The following FSTL4 variants were observed in gnomAD, a reference collection of about 807,000 sequenced individuals.
FSTL4 encodes follistatin-related protein 4.
Under a neutral mutation model 78.2 loss-of-function variants are expected in FSTL4, and 28 were observed. That is an observed-to-expected ratio of 0.36 (90% CI 0.27 to 0.49). FSTL4 has a LOEUF of 0.49. FSTL4 is among the 20% of genes least tolerant of loss of function. FSTL4 has a pLI of 0.98. For synonymous variants in FSTL4, 422 were observed against 440.5 expected (o/e 0.96, Z 0.53); for missense variants, 922 against 1,084.9 (o/e 0.85, Z 2.11).
At chr5:133,378,232 G>C (rs993268578) in intron 4 of FSTL4, among the ~76,000 whole-genome samples, 1 of 152,124 alleles carries the variant, frequency 6.6e-6, no homozygotes, top group African/African-American at 2.4e-5. Context: ...TGTAATTATA[G>C]CAGACAGTAT....
the FSTL4 span, among the ~76,000 whole-genome samples, chr5:133,671,364 C>T: frequency 6.6e-6 from 1 of 152,196 alleles, no homozygotes; most frequent in South Asian, 2.1e-4. Flanking sequence ...TACACATGCA[C>T]CATCTCTTTT....
chr5:133,319,760 G>C (rs748793171), intron 4 of FSTL4, among the ~76,000 whole-genome samples: 5 of 152,208 alleles, frequency 3.3e-5, no homozygotes, highest in Non-Finnish European at 5.9e-5. Context: ...TGCCACTGGG[G>C]TCCTGAGATG....
the FSTL4 span, among the ~76,000 whole-genome samples, chr5:133,829,715 G>T: frequency 6.6e-6 from 1 of 152,214 alleles, no homozygotes; most frequent in Non-Finnish European, 1.5e-5. Flanking sequence ...AGAGATAGAA[G>T]AACCTCATGC....
At chr5:133,565,650 C>T (rs1760009512) in intron 3 of FSTL4, among the ~76,000 whole-genome samples, 1 of 152,226 alleles carries the variant, frequency 6.6e-6, no homozygotes, top group South Asian at 2.1e-4. Context: ...TACACCTTCA[C>T]TCCTCCTCTG....
chr5:133,802,054 C>T, the FSTL4 span, among the ~76,000 whole-genome samples: 4 of 152,138 alleles, frequency 2.6e-5, no homozygotes, highest in Non-Finnish European at 5.9e-5. Flanking sequence ...ATCTGAACAC[C>T]TGTGCCTCTC....
chr5:133,423,660 G>A (rs570159305), intron 3 of FSTL4, among the ~76,000 whole-genome samples: 42 of 152,320 alleles, frequency 2.8e-4, no homozygotes, highest in African/African-American at 9.4e-4. Context: ...TAGTGGTGAC[G>A]GCAGGGATGG....
chr5:133,659,279 A>T, the FSTL4 span, among the ~76,000 whole-genome samples: 1 of 152,130 alleles, frequency 6.6e-6, no homozygotes, highest in Non-Finnish European at 1.5e-5. Flanking sequence ...ATGACACATT[A>T]TCAGAGGTGT....
intron 4 of FSTL4, among the ~76,000 whole-genome samples, chr5:133,323,568 AG>A (rs1754125629): frequency 6.6e-6 from 1 of 152,166 alleles, no homozygotes; most frequent in Admixed American, 6.5e-5. Context: ...TTGGGGAGAG[AG>A]GCTGCATGTC....
chr5:133,494,836 A>T (rs1758338781), intron 3 of FSTL4, among the ~76,000 whole-genome samples: 1 of 152,240 alleles, frequency 6.6e-6, no homozygotes, highest in Non-Finnish European at 1.5e-5. Context: ...CCTCTGGCAC[A>T]CAGAGGGGCA....
the FSTL4 span, among the ~76,000 whole-genome samples, chr5:133,692,702 G>A: frequency 6.6e-6 from 1 of 152,174 alleles, no homozygotes; most frequent in Non-Finnish European, 1.5e-5. Context: ...GGAAGAAGTG[G>A]TGTCTTCCAA....
intron 8 of FSTL4, among the ~76,000 whole-genome samples, chr5:133,229,313 G>C (rs1751422206): frequency 6.6e-6 from 1 of 152,200 alleles, no homozygotes; most frequent in Admixed American, 6.5e-5. Flanking sequence ...CTCGAGTCCA[G>C]GAGTTTGAGA....
the FSTL4 span, among the ~76,000 whole-genome samples, chr5:133,765,770 T>C: frequency 2.6e-5 from 4 of 152,098 alleles, no homozygotes; most frequent in Non-Finnish European, 5.9e-5. Flanking sequence ...GAGGTTAATA[T>C]GGGGTGAGTT....
At chr5:133,241,092 A>G (rs889639341) in intron 7 of FSTL4, among the ~76,000 whole-genome samples, 1 of 152,230 alleles carries the variant, frequency 6.6e-6, no homozygotes, top group Non-Finnish European at 1.5e-5. Flanking sequence ...TGACACTGTG[A>G]CAGTGACATG....
At chr5:133,497,609 G>A (rs913454723) in intron 3 of FSTL4, among the ~76,000 whole-genome samples, 10 of 152,118 alleles carry the variant, frequency 6.6e-5, no homozygotes, top group African/African-American at 1.4e-4. Context: ...GGCAGACAGG[G>A]GTACTGGGGC....
At chr5:133,395,384 T>A (rs976748968) in intron 4 of FSTL4, among the ~76,000 whole-genome samples, 2 of 152,138 alleles carry the variant, frequency 1.3e-5, no homozygotes, top group African/African-American at 2.4e-5. Flanking sequence ...GCTTCACTCC[T>A]GAAGCCAGCG....
At chr5:133,481,273 G>T (rs1041573540) in intron 3 of FSTL4, among the ~76,000 whole-genome samples, 1 of 152,194 alleles carries the variant, frequency 6.6e-6, no homozygotes, top group African/African-American at 2.4e-5. Context: ...AGGCACGGTG[G>T]TTCACATCTG....
intron 12 of FSTL4, among the ~76,000 whole-genome samples, chr5:133,218,687 A>G (rs1750994741): frequency 6.6e-6 from 1 of 152,138 alleles, no homozygotes; most frequent in South Asian, 2.1e-4. Flanking sequence ...CCAGATATCT[A>G]CAGGGTTTAT....
At chr5:133,387,421 A>T (rs1755727660) in intron 4 of FSTL4, among the ~76,000 whole-genome samples, 1 of 152,112 alleles carries the variant, frequency 6.6e-6, no homozygotes, top group African/African-American at 2.4e-5. Context: ...GTGAATGAGA[A>T]TGTGTATTTC....
At chr5:133,444,277 A>T (rs898072646) in intron 3 of FSTL4, among the ~76,000 whole-genome samples, 2 of 152,224 alleles carry the variant, frequency 1.3e-5, no homozygotes, top group African/African-American at 4.8e-5. Context: ...CAGACCGTTC[A>T]TGATTTCATG....
Sources: gnomAD v4.1 joint callset for allele counts (sites outside exome capture counted in the v4.1 genomes callset) on GRCh38, gnomAD v4.1.1 for gene constraint, MANE v1.5 for transcripts, NCBI Gene and HGNC (gene_info 2026-07-23, HGNC 2026-07-21) for gene names.